The following PRKD1 variants were observed in gnomAD, a reference collection of about 807,000 sequenced individuals.
The protein encoded by PRKD1 is protein kinase D1.
Under a neutral mutation model 95.9 loss-of-function variants are expected in PRKD1, and 63 were observed. The observed-to-expected ratio is 0.66, with a 90% CI of 0.54 to 0.81. The LOEUF (loss-of-function observed/expected upper bound fraction) is 0.81, where lower values mean the gene tolerates loss of function less well. PRKD1 is among the 30% of genes least tolerant of loss of function. The pLI is 0.00. For missense variants in PRKD1, 1,048 were observed against 1,165.3 expected (o/e 0.90, Z 1.47); for synonymous variants, 425 against 423.1 (o/e 1.00, Z -0.05).
At position 29,665,937 on chromosome 14, in the gene PRKD1, AT is replaced by A. The variant is rs45548733; in HGVS notation, c.535+139del. On this transcript the variant is annotated intron_variant, in intron 3 of 17. Transcript: ENST00000331968. Reference sequence around the variant, plus strand: ...CATATATATGTGCGTATATATATGTATATATGTACCACATTTTCTTTATCCA... The same window carrying A: ...CATATATATGTGCGTATATATATGTAATATGTACCACATTTTCTTTATCCA... The A allele has an allele frequency of 7.1e-3, 6,190 of 876,516 alleles. 175 individuals carry two copies. In the African/African-American group the frequency reaches 0.071, roughly 10 times the overall value. The allele number at this position is 876,516 out of a possible 1,614,324, so 54.3% of individuals were successfully genotyped here. A position where few individuals can be genotyped will look rare whatever the true frequency, so the allele number is the denominator to read the frequency against.
chr14:29,798,849 CACATCACTGATTCTT>C (rs1889917123), intron 1 of PRKD1, among the ~76,000 whole-genome samples: 1 of 152,162 alleles, frequency 6.6e-6, no homozygotes, highest in Non-Finnish European at 1.5e-5. Flanking sequence ...AATAATCTTC[CACATCACTGATTCTT>C]TTTCTTTTCT....
intron 1 of PRKD1, among the ~76,000 whole-genome samples, chr14:29,831,121 A>G (rs1891392665): frequency 6.6e-6 from 1 of 152,246 alleles, no homozygotes; most frequent in Admixed American, 6.5e-5. Flanking sequence ...GTGATATGAT[A>G]CTTGCCAGGC....
In PRKD1 at chr14:29,831,652, A is replaced by G. The variant is rs1160781986; in HGVS notation, c.264+95597T>C. ...CCCAGCTAATTTTTGTATTTTTAGT[A>G]GAGATGGGGTTTCACCATGTTTTTT... On this transcript the variant is annotated intron_variant, in intron 1 of 17. Coordinates refer to ENST00000331968, the MANE Select transcript of PRKD1 (RefSeq NM_002742.3). 3.3e-5 allele frequency among the ~76,000 whole-genome samples: 5 copies of G among 151,976 alleles called. No individual in the cohort carries two copies. In the South Asian group the frequency reaches 1.0e-3, roughly 32 times the overall value.
chr14:29,796,309 C>A (rs1000912204), intron 1 of PRKD1, among the ~76,000 whole-genome samples: 1 of 152,030 alleles, frequency 6.6e-6, no homozygotes, highest in Admixed American at 6.5e-5. Context: ...GAAATTGGTA[C>A]GAATGTTTAA....
intron 1 of PRKD1, among the ~76,000 whole-genome samples, chr14:29,841,123 T>C (rs1594568078): frequency 1.3e-5 from 2 of 152,354 alleles, no homozygotes; most frequent in African/African-American, 4.8e-5. Flanking sequence ...GTTTATCCAA[T>C]GCCTGTACCC....
intron 1 of PRKD1, among the ~76,000 whole-genome samples, chr14:29,776,221 T>A (rs555406309): frequency 9.2e-5 from 14 of 152,206 alleles, no homozygotes; most frequent in Admixed American, 8.5e-4. Flanking sequence ...AGCTGAAAAT[T>A]CTAAAAATCA....
chr14:29,592,422 ACT>A (rs1184365809), intron 16 of PRKD1, among the ~76,000 whole-genome samples: 1 of 152,110 alleles, frequency 6.6e-6, no homozygotes, highest in Non-Finnish European at 1.5e-5. Context: ...GTATGTATGT[ACT>A]CTGTTACATA....
chr14:29,663,047 ATT>A (rs1882269451), intron 4 of PRKD1, among the ~76,000 whole-genome samples: 1 of 146,684 alleles, frequency 6.8e-6, no homozygotes, highest in Non-Finnish European at 1.5e-5. Flanking sequence ...ATATATATAT[ATT>A]TATTTGCATA....
intron 10 of PRKD1, 113 bp downstream of exon 10, chr14:29,630,628 AT>A: frequency 7.4e-7 from 1 of 1,352,134 alleles, no homozygotes; most frequent in Non-Finnish European, 1.0e-6. Context: ...AAACTAAGTC[AT>A]CCCCAAGAAG....
At chr14:29,919,210 T>C (rs1026654762) in intron 1 of PRKD1, among the ~76,000 whole-genome samples, 1 of 152,236 alleles carries the variant, frequency 6.6e-6, no homozygotes, top group African/African-American at 2.4e-5. Flanking sequence ...AGTTTCATGT[T>C]TGCCAACATT....
chr14:29,897,243 T>C (rs575190209), intron 1 of PRKD1, among the ~76,000 whole-genome samples: 1 of 152,170 alleles, frequency 6.6e-6, no homozygotes, highest in Admixed American at 6.5e-5. Context: ...CTTAATTATA[T>C]AGATATAACA....
chr14:29,868,657 A>G (rs1192656541), intron 1 of PRKD1, among the ~76,000 whole-genome samples: 4 of 152,222 alleles, frequency 2.6e-5, no homozygotes, highest in Non-Finnish European at 4.4e-5. Flanking sequence ...AAAATAATGA[A>G]GAAGAGAAAT....
At chr14:29,885,000 G>A (rs978867098) in intron 1 of PRKD1, among the ~76,000 whole-genome samples, 2 of 151,864 alleles carry the variant, frequency 1.3e-5, no homozygotes, top group Non-Finnish European at 2.9e-5. Flanking sequence ...GTGGGCGCCT[G>A]TAGTCCCAGC....
At chr14:29,717,811 C>T (rs1014943810) in intron 2 of PRKD1, among the ~76,000 whole-genome samples, 1 of 152,148 alleles carries the variant, frequency 6.6e-6, no homozygotes, top group Non-Finnish European at 1.5e-5. Flanking sequence ...AGACTTTTCA[C>T]TTCCGGGTTT....
At chr14:29,631,609 C>T (rs1880011926) in intron 9 of PRKD1, among the ~76,000 whole-genome samples, 1 of 151,716 alleles carries the variant, frequency 6.6e-6, no homozygotes, top group African/African-American at 2.4e-5. Context: ...AAGCAATTCT[C>T]CTGCCTCAGC....
At chr14:29,700,988 G>GCGCGCACACACACACACA (rs140824053) in intron 2 of PRKD1, among the ~76,000 whole-genome samples, 4 of 90,598 alleles carry the variant, frequency 4.4e-5, no homozygotes, top group African/African-American at 1.7e-4. Flanking sequence ...GCGCGCGCGC[G>GCGCGCACACACACACACA]CACACACACA....
chr14:29,626,792 G>A (rs1174694903), intron 11 of PRKD1, among the ~76,000 whole-genome samples: 4 of 147,822 alleles, frequency 2.7e-5, no homozygotes, highest in African/African-American at 9.9e-5. Flanking sequence ...TTGGCTCACT[G>A]CAACCTCCAC....
chr14:29,629,130 T>G, intron 10 of PRKD1, 37 bp from the exon 11 acceptor site: 4 of 1,569,488 alleles, frequency 2.5e-6, no homozygotes, highest in Non-Finnish European at 2.6e-6. Flanking sequence ...ACACAAAAAG[T>G]CAGTAAGAGA....
chr14:29,587,549 C>T (rs1032870319), intron 16 of PRKD1, among the ~76,000 whole-genome samples: 3 of 152,150 alleles, frequency 2.0e-5, no homozygotes, highest in African/African-American at 7.2e-5. Flanking sequence ...TGAGCATTTA[C>T]AATGCCAATG....
Sources: allele counts gnomAD v4.1 joint callset (sites outside exome capture counted in the v4.1 genomes callset), GRCh38; gene constraint gnomAD v4.1.1; transcripts MANE v1.5; gene names NCBI Gene and HGNC (gene_info 2026-07-23, HGNC 2026-07-21).